Variants in MAML2 observed in about 807,000 individuals in gnomAD.
The protein encoded by MAML2 is mastermind-like protein 2.
Under a neutral mutation model 96.1 loss-of-function variants are expected in MAML2, and 22 were observed. The observed-to-expected ratio is 0.23, with a 90% CI of 0.16 to 0.33. The LOEUF (loss-of-function observed/expected upper bound fraction) is 0.33. Among genes scored for constraint, MAML2 ranks in the 10% least tolerant of loss-of-function variants. The pLI is 1.00. For synonymous variants in MAML2, 561 were observed against 521.3 expected (o/e 1.08, Z -1.04); for missense variants, 1,367 against 1,392.4 (o/e 0.98, Z 0.29).
chr11:96,029,028 G>A (rs771843358), intron 2 of MAML2, among the ~76,000 whole-genome samples: 2 of 152,094 alleles, frequency 1.3e-5, no homozygotes, highest in Non-Finnish European at 2.9e-5. Context: ...GTACTCTCCA[G>A]GCCCCACTCA....
At chr11:96,255,517 C>G (rs529688080) in intron 1 of MAML2, among the ~76,000 whole-genome samples, 1 of 152,258 alleles carries the variant, frequency 6.6e-6, no homozygotes, top group East Asian at 1.9e-4. Flanking sequence ...TAGGGGTGGA[C>G]GATCTATTTT....
intron 1 of MAML2, among the ~76,000 whole-genome samples, chr11:96,210,857 AT>A (rs1287436063): frequency 6.6e-6 from 1 of 152,172 alleles, no homozygotes; most frequent in Non-Finnish European, 1.5e-5. Context: ...TTTTCACACT[AT>A]TTTACTCTAT....
chr11:95,992,302 A>G (rs180896842), intron 2 of MAML2, among the ~76,000 whole-genome samples: 49 of 152,296 alleles, frequency 3.2e-4, no homozygotes, highest in Non-Finnish European at 6.3e-4. Flanking sequence ...TCCGCAGTCA[A>G]CAATTCAGGT....
At chr11:96,089,569 T>C (rs1383370598) in intron 2 of MAML2, among the ~76,000 whole-genome samples, 1 of 152,204 alleles carries the variant, frequency 6.6e-6, no homozygotes, top group Non-Finnish European at 1.5e-5. Context: ...GAAAATTCTA[T>C]AGCTGTATTG....
intron 1 of MAML2, among the ~76,000 whole-genome samples, chr11:96,125,545 G>A (rs1363265879): frequency 6.6e-6 from 1 of 152,114 alleles, no homozygotes; most frequent in Non-Finnish European, 1.5e-5. Flanking sequence ...GGAGAAGCAG[G>A]TTCTGCAGTG....
At chr11:96,032,710 A>C (rs2135747456) in intron 2 of MAML2, among the ~76,000 whole-genome samples, 1 of 152,266 alleles carries the variant, frequency 6.6e-6, no homozygotes, top group East Asian at 1.9e-4. Context: ...GCTACTTCGC[A>C]CTAAAAAGAA....
At chr11:96,034,686 T>C (rs902376024) in intron 2 of MAML2, among the ~76,000 whole-genome samples, 2 of 152,216 alleles carry the variant, frequency 1.3e-5, no homozygotes, top group East Asian at 3.8e-4. Flanking sequence ...TGATACTTTA[T>C]TGAGCATTCA....
At chr11:96,218,229 G>C (rs1862078360) in intron 1 of MAML2, among the ~76,000 whole-genome samples, 1 of 152,238 alleles carries the variant, frequency 6.6e-6, no homozygotes. Context: ...TAACGCAGCT[G>C]TAACCCTGGC....
intron 1 of MAML2, among the ~76,000 whole-genome samples, chr11:96,242,218 A>G (rs1862446887): frequency 6.6e-6 from 1 of 152,246 alleles, no homozygotes; most frequent in Non-Finnish European, 1.5e-5. Context: ...GATTTATTTC[A>G]TATTATATTT....
intron 3 of MAML2, among the ~76,000 whole-genome samples, chr11:95,986,306 G>A (rs975608343): frequency 6.6e-6 from 1 of 151,956 alleles, no homozygotes; most frequent in African/African-American, 2.4e-5. Context: ...CCTGGTTCAA[G>A]TGATTCTCCT....
At chr11:96,301,756 T>G (rs1863390031) in intron 1 of MAML2, among the ~76,000 whole-genome samples, 1 of 152,236 alleles carries the variant, frequency 6.6e-6, no homozygotes, top group Non-Finnish European at 1.5e-5. Flanking sequence ...ACTTTATGAA[T>G]TGTGCTTCTT....
intron 1 of MAML2, among the ~76,000 whole-genome samples, chr11:96,093,989 CTTT>C (rs11361832): frequency 7.4e-4 from 112 of 151,394 alleles, no homozygotes; most frequent in African/African-American, 2.5e-3. Flanking sequence ...TCTCTAGTTT[CTTT>C]TTTTTTTCAC....
intron 1 of MAML2, among the ~76,000 whole-genome samples, chr11:96,147,923 A>G (rs1464616746): frequency 6.6e-6 from 1 of 152,236 alleles, no homozygotes; most frequent in African/African-American, 2.4e-5. Flanking sequence ...TGCTAGTCAC[A>G]TCACCTGCCA....
At chr11:96,109,029 A>C (rs1860075493) in intron 1 of MAML2, among the ~76,000 whole-genome samples, 1 of 151,934 alleles carries the variant, frequency 6.6e-6, no homozygotes, top group South Asian at 2.1e-4. Flanking sequence ...TCAAAAAAAA[A>C]AAAATGTATA....
intron 1 of MAML2, among the ~76,000 whole-genome samples, chr11:96,236,469 CT>C (rs1285414955): frequency 1.3e-5 from 2 of 152,118 alleles, no homozygotes; most frequent in Admixed American, 6.5e-5. Context: ...CACATTCTTT[CT>C]GCCTGGAAAA....
At chr11:96,229,585 T>C (rs1280767764) in intron 1 of MAML2, among the ~76,000 whole-genome samples, 1 of 148,530 alleles carries the variant, frequency 6.7e-6, no homozygotes, top group Admixed American at 6.8e-5. Context: ...TATAATCACA[T>C]GATCTCCCCA....
At chr11:96,219,184 G>C (rs1012712723) in intron 1 of MAML2, among the ~76,000 whole-genome samples, 7 of 152,192 alleles carry the variant, frequency 4.6e-5, no homozygotes, top group Non-Finnish European at 8.8e-5. Context: ...CACATACTGG[G>C]CACTCAATGT....
intron 1 of MAML2, among the ~76,000 whole-genome samples, chr11:96,248,499 T>C (rs1862540156): frequency 2.0e-5 from 3 of 152,106 alleles, no homozygotes. Context: ...ACTTTTATTC[T>C]CTGCTATTAC....
intron 1 of MAML2, among the ~76,000 whole-genome samples, chr11:96,178,228 A>G (rs483884): frequency 0.54 from 82,082 of 151,608 alleles, 22,552 homozygotes; most frequent in East Asian, 0.75. Flanking sequence ...CAGTTTTATG[A>G]GGAGGATCAA....
Sources: allele counts gnomAD v4.1 joint callset (sites outside exome capture counted in the v4.1 genomes callset), GRCh38; gene constraint gnomAD v4.1.1; transcripts MANE v1.5; gene names NCBI Gene and HGNC (gene_info 2026-07-23, HGNC 2026-07-21).